The following TTLL11 variants were observed in gnomAD, a reference collection of about 807,000 sequenced individuals.
TTLL11 encodes tubulin tyrosine ligase like 11.
Under a neutral mutation model 51.7 loss-of-function variants are expected in TTLL11, and 42 were observed. The ratio of observed to expected loss-of-function variants is 0.81; its 90% CI spans 0.64 to 1.05. The LOEUF is 1.05. Ranked by LOEUF, TTLL11 falls within the 50% of genes least tolerant of loss-of-function variation. TTLL11 has a pLI of 0.00. For missense variants in TTLL11, 799 were observed against 940.4 expected, an observed-to-expected ratio of 0.85 and a Z score of 1.97; for synonymous variants, 381 against 383.5, an observed-to-expected ratio of 0.99 and a Z score of 0.08.
intron 6 of TTLL11, among the ~76,000 whole-genome samples, chr9:121,972,134 G>GAAAAAA (rs71371905): frequency 8.6e-6 from 1 of 115,750 alleles, no homozygotes. Flanking sequence ...GTATGAAAAA[G>GAAAAAA]AAAAAAAAAA....
At position 122,025,451 on chromosome 9, in the gene TTLL11, G is replaced by A. The variant is rs139478126; in HGVS notation, c.693+6272C>T. On this transcript the variant is annotated intron_variant, in intron 3 of 8. Coordinates refer to ENST00000321582, the MANE Select transcript of TTLL11 (RefSeq NM_001139442.2). ...AGTTCAAGACCAGCCTGGGCAACAT[G>A]GTGAAACCCTGTTTTTACAAAAAAT... Among the ~76,000 whole-genome samples the A allele has an allele frequency of 3.1e-3, 471 of 152,280 alleles. 5 individuals carry two copies. The highest frequency in any genetic ancestry group is 0.011 in the African/African-American group (454 of 41,558).
rs1836447701 is a variant in TTLL11, at chr9:121,817,601, C to T, written c.*4986G>A. ...TCAGCAGGAGAACAGATCAGAGAGCCTCAAGCTAAGTCCCCAGAACTGAGT... is the reference window on the plus strand; with the variant it reads ...TCAGCAGGAGAACAGATCAGAGAGCTTCAAGCTAAGTCCCCAGAACTGAGT... On this transcript the variant is annotated 3_prime_UTR_variant, in exon 9 of 9. Coordinates refer to ENST00000321582, the MANE Select transcript of TTLL11 (RefSeq NM_001139442.2). The T allele has an allele frequency of 6.6e-6, 1 of 152,240 alleles. No homozygotes were observed. Among genetic ancestry groups the T allele is most frequent in the African/African-American group, 2.4e-5 (1 of 41,442 alleles). 9.4% of individuals were successfully genotyped at this position (152,240 alleles called of 1,614,324 possible).
At chr9:122,067,046 G>A (rs1167158004) in intron 1 of TTLL11, among the ~76,000 whole-genome samples, 1 of 152,074 alleles carries the variant, frequency 6.6e-6, no homozygotes, top group Non-Finnish European at 1.5e-5. Flanking sequence ...AGGGATTATG[G>A]GGATTACAAT....
At chr9:122,045,877 T>C (rs947285899) in intron 1 of TTLL11, among the ~76,000 whole-genome samples, 8 of 152,184 alleles carry the variant, frequency 5.3e-5, no homozygotes, top group African/African-American at 4.8e-5. Flanking sequence ...AGGATGGTGG[T>C]TGCCAGAGGC....
Position 121,974,131 on chromosome 9 carries a change from C to G in TTLL11, c.1366-7G>C. The stretch of plus-strand genomic sequence containing the variant: ...CAAACACCCCTGGAGAAAGCTTGAA[C>G]GGGTAAGGATTCTGTGTCACAGTGG... On this transcript the variant is annotated splice_polypyrimidine_tract_variant and splice_region_variant and intron_variant, in intron 5 of 8. Coordinates refer to ENST00000321582, the MANE Select transcript of TTLL11 (RefSeq NM_001139442.2). 6.5e-7 allele frequency: 1 copy of G among 1,547,304 alleles called. No individual in the cohort carries two copies. The highest frequency in any genetic ancestry group is 8.7e-7 in the Non-Finnish European group (1 of 1,143,526).
chr9:121,901,168 T>G (rs1449446451), intron 6 of TTLL11, among the ~76,000 whole-genome samples: 2 of 152,230 alleles, frequency 1.3e-5, no homozygotes, highest in Non-Finnish European at 2.9e-5. Flanking sequence ...AAAATACTAC[T>G]GATTTTTGTA....
intron 8 of TTLL11, among the ~76,000 whole-genome samples, chr9:121,828,461 C>A (rs1286117290): frequency 6.6e-6 from 1 of 152,140 alleles, no homozygotes; most frequent in Non-Finnish European, 1.5e-5. Context: ...AGGCATGAGC[C>A]ACCATGGCTG....
intron 1 of TTLL11, among the ~76,000 whole-genome samples, chr9:122,083,354 G>A (rs1846046165): frequency 1.3e-5 from 2 of 152,066 alleles, no homozygotes; most frequent in Admixed American, 6.5e-5. Context: ...GGGAGACCAC[G>A]ATCTCAATAA....
intron 6 of TTLL11, among the ~76,000 whole-genome samples, chr9:121,872,299 C>G (rs1402731002): frequency 6.6e-6 from 1 of 152,200 alleles, no homozygotes; most frequent in Non-Finnish European, 1.5e-5. Context: ...CTCTCTCATG[C>G]CTCATCCCTA....
chr9:121,959,943 T>C (rs1320464126), intron 6 of TTLL11, among the ~76,000 whole-genome samples: 2 of 152,046 alleles, frequency 1.3e-5, no homozygotes, highest in African/African-American at 4.8e-5. Context: ...TATACAAGCA[T>C]GTATAACATA....
At chr9:121,858,241 C>T (rs937439246) in intron 8 of TTLL11, among the ~76,000 whole-genome samples, 1 of 152,068 alleles carries the variant, frequency 6.6e-6, no homozygotes, top group Non-Finnish European at 1.5e-5. Flanking sequence ...CTGGGTTTTG[C>T]TTTTGACTTA....
At chr9:121,996,750 C>G (rs149634768) in intron 3 of TTLL11, among the ~76,000 whole-genome samples, 1 of 152,198 alleles carries the variant, frequency 6.6e-6, no homozygotes, top group East Asian at 1.9e-4. Flanking sequence ...TCAGAAGAAA[C>G]CTTGGAATAA....
At chr9:121,881,000 C>A (rs1006355776) in intron 6 of TTLL11, among the ~76,000 whole-genome samples, 3 of 152,176 alleles carry the variant, frequency 2.0e-5, no homozygotes, top group Admixed American at 6.5e-5. Context: ...TCCTCTTGTT[C>A]TCTCACAGTC....
intron 1 of TTLL11, among the ~76,000 whole-genome samples, chr9:122,083,332 A>G (rs773883053): frequency 1.3e-5 from 2 of 152,180 alleles, no homozygotes; most frequent in Non-Finnish European, 2.9e-5. Flanking sequence ...TCATGAAAGC[A>G]GGTGTCACAA....
At chr9:122,050,686 T>C (rs1362661943) in intron 1 of TTLL11, among the ~76,000 whole-genome samples, 1 of 152,020 alleles carries the variant, frequency 6.6e-6, no homozygotes, top group Non-Finnish European at 1.5e-5. Flanking sequence ...TGATAAGCCG[T>C]CACTTCTGAT....
intron 6 of TTLL11, among the ~76,000 whole-genome samples, chr9:121,926,327 A>T (rs1447988487): frequency 6.6e-6 from 1 of 152,126 alleles, no homozygotes; most frequent in Non-Finnish European, 1.5e-5. Flanking sequence ...TGTTATCCAC[A>T]CGCTCTCCCT....
intron 6 of TTLL11, among the ~76,000 whole-genome samples, chr9:121,932,832 G>A (rs1282287454): frequency 1.3e-5 from 2 of 152,058 alleles, no homozygotes; most frequent in African/African-American, 4.8e-5. Context: ...TGGCAGATGC[G>A]AAAAATAAGC....
chr9:121,968,438 A>T (rs1842467752), intron 6 of TTLL11, among the ~76,000 whole-genome samples: 1 of 152,272 alleles, frequency 6.6e-6, no homozygotes, highest in Non-Finnish European at 1.5e-5. Flanking sequence ...GTCATCAAGC[A>T]GCTTCATTTT....
intron 6 of TTLL11, among the ~76,000 whole-genome samples, chr9:121,949,959 C>T (rs1716994238): frequency 6.6e-6 from 1 of 152,064 alleles, no homozygotes; most frequent in African/African-American, 2.4e-5. Flanking sequence ...CCCTCCCCAG[C>T]TTGCTCTGTC....
Sources: gnomAD v4.1 joint callset for allele counts (sites outside exome capture counted in the v4.1 genomes callset) on GRCh38, gnomAD v4.1.1 for gene constraint, MANE v1.5 for transcripts, NCBI Gene and HGNC (gene_info 2026-07-23, HGNC 2026-07-21) for gene names.